The following HELQ variants were observed in gnomAD, a reference collection of about 807,000 sequenced individuals.
The protein encoded by HELQ is helicase, POLQ like.
A neutral mutation model predicts 111.6 loss-of-function variants in HELQ; 77 were observed. The observed-to-expected ratio is 0.69, with a 90% CI of 0.57 to 0.83. HELQ has a LOEUF of 0.83. Ranked by LOEUF, HELQ falls within the 40% of genes least tolerant of loss-of-function variation. The probability of loss-of-function intolerance (pLI) is 0.00; values close to 1 mark genes in which losing one functional copy is unlikely to be tolerated. For missense variants in HELQ, 1,200 were observed against 1,288.5 expected (o/e 0.93, Z 1.05); for synonymous variants, 438 against 454.7 (o/e 0.96, Z 0.47).
chr4:83,442,142 C>A (rs1443893830), intron 6 of HELQ, among the ~76,000 whole-genome samples: 1 of 151,644 alleles, frequency 6.6e-6, no homozygotes, highest in Non-Finnish European at 1.5e-5. Flanking sequence ...TCGACAAAAA[C>A]AGTTTGTAAA....
At chr4:83,419,940 A>G (rs1267096811) in intron 15 of HELQ, among the ~76,000 whole-genome samples, 1 of 152,204 alleles carries the variant, frequency 6.6e-6, no homozygotes, top group Non-Finnish European at 1.5e-5. Flanking sequence ...ATTAATTGCC[A>G]TATACATATA....
At chr4:83,430,284 A>C (rs889766606) in intron 11 of HELQ, among the ~76,000 whole-genome samples, 9 of 149,686 alleles carry the variant, frequency 6.0e-5, no homozygotes, top group African/African-American at 1.7e-4. Context: ...TAAAAAAAAA[A>C]CAAAAAACAA....
At chr4:83,412,386 A>C (rs1739149451) in intron 17 of HELQ, among the ~76,000 whole-genome samples, 5 of 152,186 alleles carry the variant, frequency 3.3e-5, no homozygotes, top group Admixed American at 3.3e-4. Flanking sequence ...GTCTTCATCC[A>C]CGGTTCCTGG....
chr4:83,409,057 G>A (rs1248058229), intron 17 of HELQ, among the ~76,000 whole-genome samples: 1 of 152,008 alleles, frequency 6.6e-6, no homozygotes, highest in African/African-American at 2.4e-5. Flanking sequence ...AATCTTGTAG[G>A]GCAAAAGGAA....
At chr4:83,450,632 ATAAC>A (rs1354559443) in intron 2 of HELQ, among the ~76,000 whole-genome samples, 1 of 151,736 alleles carries the variant, frequency 6.6e-6, no homozygotes, top group Non-Finnish European at 1.5e-5. Flanking sequence ...ACATGACAAA[ATAAC>A]TAATATTTAT....
rs3775088 is a variant in HELQ at position 83,454,155 on chromosome 4, A to C, written c.298-210T>G. Among the ~76,000 whole-genome samples, 3,497 of 152,302 alleles carry C rather than the reference A, an allele frequency of 0.023. 290 individuals carry two copies. The East Asian group carries it at 0.29, about 13-fold the overall frequency. The stretch of plus-strand genomic sequence containing the variant: ...GAAGCGCAGGTTGCGGTAAGCCCAG[A>C]TCGCGCCATTGCACTCCAACCTGGG... On this transcript the variant is annotated intron_variant, in intron 1 of 17. Coordinates refer to ENST00000295488, the MANE Select transcript of HELQ (RefSeq NM_133636.5).
intron 8 of HELQ, among the ~76,000 whole-genome samples, chr4:83,438,352 CAATATT>C (rs1720569657): frequency 6.6e-6 from 1 of 152,070 alleles, no homozygotes; most frequent in African/African-American, 2.4e-5. Context: ...ACGACAGAGC[CAATATT>C]AAGATACTAC....
intron 17 of HELQ, among the ~76,000 whole-genome samples, chr4:83,413,701 C>A (rs1206517059): frequency 1.3e-5 from 2 of 152,188 alleles, no homozygotes; most frequent in Non-Finnish European, 2.9e-5. Flanking sequence ...AGACTTCTTG[C>A]ATTTTCTGCC....
Position 83,447,556 on chromosome 4 carries a change from C to A in HELQ, c.1192-521G>T, listed in dbSNP as rs146796256. Among the ~76,000 whole-genome samples the A allele has an allele frequency of 2.7e-4, 41 of 152,104 alleles. No individual in the cohort carries two copies. In the Middle Eastern group the frequency reaches 0.01, roughly 38 times the overall value. ...ACATGTGAAAATAAATTTCAACTGG[C>A]GCCTTTGATACCAAAAAGCATCAGG... On this transcript the variant is annotated intron_variant, in intron 3 of 17. Transcript: ENST00000295488.
intron 14 of HELQ, among the ~76,000 whole-genome samples, chr4:83,425,784 A>T (rs1242401087): frequency 6.6e-6 from 1 of 152,196 alleles, no homozygotes. Flanking sequence ...TCATCACACT[A>T]CCCAGAAATA....
At chr4:83,426,123 C>T in intron 13 of HELQ, 31 bp from the exon 14 acceptor site, 1 of 1,179,336 alleles carries the variant, frequency 8.5e-7, no homozygotes, top group South Asian at 1.3e-5. Context: ...TAGATGGAAA[C>T]ATCAAAAAAT....
chr4:83,443,569 T>C lies in HELQ; in HGVS notation c.1511A>G (p.Glu504Gly). Reference sequence around the variant, plus strand: ...TGCTTGAAGAAACTTTTGTAGGTCTTCAACATTGTTTAATGTTGCACTCAT... The same window carrying C: ...TGCTTGAAGAAACTTTTGTAGGTCTCCAACATTGTTTAATGTTGCACTCAT... The part of the protein sequence containing the change: ...IGMSATLNNV[E>G]DLQKFLQAEY... The change falls in exon 6 of 18, where the codon GAA becomes GGA. Residue 504 changes from glutamate to glycine, a missense_variant. Around this residue, in one of 3 missense-constraint regions of HELQ, gnomAD observed 610 missense variants for 607.1 expected, o/e 1.00. Transcript: ENST00000295488. 1 of 1,592,704 alleles carries C rather than the reference T, an allele frequency of 6.3e-7. No individual in the cohort carries two copies. The highest frequency in any genetic ancestry group is 8.6e-7 in the Non-Finnish European group (1 of 1,162,942).
intron 17 of HELQ, among the ~76,000 whole-genome samples, chr4:83,412,566 T>C (rs1739160462): frequency 6.6e-6 from 1 of 152,206 alleles, no homozygotes; most frequent in South Asian, 2.1e-4. Flanking sequence ...GTGGCTCATG[T>C]TGTAATCCCA....
At chr4:83,425,109 G>C (rs1051598113) in intron 14 of HELQ, among the ~76,000 whole-genome samples, 1 of 151,684 alleles carries the variant, frequency 6.6e-6, no homozygotes, top group African/African-American at 2.4e-5. Flanking sequence ...GTGAAACCCT[G>C]TCTCTCCTAA....
At chr4:83,431,239 G>A (rs2109987318) in intron 11 of HELQ, among the ~76,000 whole-genome samples, 3 of 151,768 alleles carry the variant, frequency 2.0e-5, no homozygotes, top group East Asian at 3.9e-4. Context: ...AACATAGCAA[G>A]ACCCCATCTC....
At chr4:83,428,079 G>T (rs1719941544) in intron 12 of HELQ, among the ~76,000 whole-genome samples, 1 of 152,140 alleles carries the variant, frequency 6.6e-6, no homozygotes, top group African/African-American at 2.4e-5. Context: ...TACTATAGAT[G>T]ACTGTAGTAT....
chr4:83,453,831 T>A lies in HELQ; in HGVS notation c.412A>T (p.Lys138Ter), dbSNP rs1203164309. The A allele has an allele frequency of 1.2e-6, 2 of 1,614,118 alleles. No individual in the cohort carries two copies. The highest frequency in any genetic ancestry group is 1.7e-6 in the Non-Finnish European group (2 of 1,179,956). Reference protein sequence around the residue: ...QKYMQLPEHKKHATDFATENL... With the variant: ...QKYMQLPEHK ...TCAGTGGCAAAGTCTGTAGCATGTT[T>A]CTTATGTTCAGGGAGTTGCATATAT... Residue 138 changes from lysine (K) to a stop codon, truncating the protein, a stop_gained, in exon 2 of 18, where the codon AAA (lysine) becomes TAA (stop). Coordinates refer to ENST00000295488, the MANE Select transcript of HELQ (RefSeq NM_133636.5). LOFTEE classifies it high-confidence loss of function.
intron 9 of HELQ, among the ~76,000 whole-genome samples, chr4:83,435,554 A>G (rs982594784): frequency 6.6e-5 from 10 of 150,984 alleles, no homozygotes; most frequent in Non-Finnish European, 1.3e-4. Flanking sequence ...TCTAAAAAGG[A>G]TTACTCAAGG....
chr4:83,450,222 TAA>T (rs71668650), intron 2 of HELQ, among the ~76,000 whole-genome samples: 44 of 45,604 alleles, frequency 9.6e-4, no homozygotes, highest in African/African-American at 1.7e-3. Context: ...CAGTTAAGTT[TAA>T]AAAAAAAAAA....
Sources: allele counts gnomAD v4.1 joint callset (sites outside exome capture counted in the v4.1 genomes callset), GRCh38; gene constraint gnomAD v4.1.1; regional missense constraint gnomAD v4.1.1; transcripts MANE v1.5; gene names NCBI Gene and HGNC (gene_info 2026-07-23, HGNC 2026-07-21).